Variants in LRRC49 observed in about 807,000 individuals in gnomAD.
LRRC49 encodes the protein leucine rich repeat containing 49.
Under a neutral mutation model 83.3 loss-of-function variants are expected in LRRC49, and 50 were observed. The observed-to-expected ratio is 0.60, with a 90% CI of 0.48 to 0.76. LRRC49 has a LOEUF of 0.76. Among genes scored for constraint, LRRC49 ranks in the 30% least tolerant of loss-of-function variants. The pLI, the probability that LRRC49 is intolerant of heterozygous loss-of-function variation, is 0.00. For missense variants in LRRC49, 704 were observed against 809.1 expected (o/e 0.87, Z 1.58); for synonymous variants, 286 against 283.3 (o/e 1.01, Z -0.10).
chr15:70,906,920 G>A (rs1037010962), intron 5 of LRRC49, among the ~76,000 whole-genome samples: 2 of 152,108 alleles, frequency 1.3e-5, no homozygotes, highest in Non-Finnish European at 2.9e-5. Flanking sequence ...AGAACTATTA[G>A]TGTTCTTGAA....
intron 3 of LRRC49, chr15:70,898,582 T>A: frequency 1.9e-6 from 1 of 520,082 alleles, no homozygotes; most frequent in Non-Finnish European, 3.4e-6. Context: ...CAAGACCCCA[T>A]CTTGAACATG....
At chr15:70,871,052 A>G (rs1304362568) in intron 1 of LRRC49, among the ~76,000 whole-genome samples, 6 of 151,582 alleles carry the variant, frequency 4.0e-5, no homozygotes, top group African/African-American at 9.7e-5. Flanking sequence ...GTCAGCAGAT[A>G]AACATGTGAA....
chr15:70,894,528 T>G, intron 2 of LRRC49: 1 of 767,404 alleles, frequency 1.3e-6, no homozygotes. Context: ...ATTTTTGAGA[T>G]TTTGAGATAA....
Position 71,023,439 on chromosome 15 carries a change from C to T in LRRC49, c.1703+10526C>T, listed in dbSNP as rs777295982. ...GGCCAAGATGGCCAACTAGTAGTAG[C>T]TGTGGTTGGAGACTCCCACTGAGAA... is the stretch of plus-strand genomic sequence containing the variant. On this transcript the variant is annotated intron_variant, in intron 14 of 15. Coordinates refer to ENST00000260382, the MANE Select transcript of LRRC49 (RefSeq NM_017691.5). 5.3e-5 allele frequency among the ~76,000 whole-genome samples: 8 copies of T among 152,164 alleles called. 1 individual carries two copies. Among genetic ancestry groups the T allele is most frequent in the African/African-American group, 1.7e-4 (7 of 41,442 alleles).
chr15:70,865,572 C>T (rs1014901180), intron 1 of LRRC49, among the ~76,000 whole-genome samples: 1 of 152,214 alleles, frequency 6.6e-6, no homozygotes, highest in African/African-American at 2.4e-5. Context: ...AATTTATTTA[C>T]ATCGAGAATA....
At chr15:70,905,817 A>G (rs892619947) in intron 5 of LRRC49, among the ~76,000 whole-genome samples, 2 of 152,048 alleles carry the variant, frequency 1.3e-5, no homozygotes, top group Admixed American at 6.5e-5. Context: ...TTTTACTTCC[A>G]TTGCTTCCTT....
At chr15:70,906,098 C>CTTT (rs976292654) in intron 5 of LRRC49, among the ~76,000 whole-genome samples, 4 of 130,830 alleles carry the variant, frequency 3.1e-5, no homozygotes, top group Admixed American at 7.7e-5. Flanking sequence ...ATTTTTTTTT[C>CTTT]TTTTTTTTTT....
intron 15 of LRRC49, among the ~76,000 whole-genome samples, chr15:71,041,243 G>A (rs1173367556): frequency 6.6e-6 from 1 of 152,124 alleles, no homozygotes; most frequent in Non-Finnish European, 1.5e-5. Context: ...CATCACTGAA[G>A]TAAGTAACAA....
intron 1 of LRRC49, among the ~76,000 whole-genome samples, chr15:70,861,792 G>A (rs901571131): frequency 1.3e-5 from 2 of 152,196 alleles, no homozygotes; most frequent in East Asian, 1.9e-4. Context: ...GGGCATGGTG[G>A]TGTGCGCCTG....
chr15:70,902,712 GTT>G (rs1346039248), intron 4 of LRRC49: 3 of 152,356 alleles, frequency 2.0e-5, no homozygotes, highest in Admixed American at 6.5e-5. Flanking sequence ...GGCTCTGGCT[GTT>G]TTGGGAGTTA....
chr15:70,879,285 T>C (rs528064362), intron 2 of LRRC49, among the ~76,000 whole-genome samples: 32 of 152,354 alleles, frequency 2.1e-4, no homozygotes, highest in African/African-American at 7.5e-4. Context: ...AATATATTTA[T>C]AATAACTGCT....
At chr15:70,857,604 T>A (rs570966862) in intron 1 of LRRC49, among the ~76,000 whole-genome samples, 4 of 152,348 alleles carry the variant, frequency 2.6e-5, no homozygotes, top group Non-Finnish European at 5.9e-5. Flanking sequence ...ACCTGTGCTA[T>A]ACTCAATTTT....
intron 5 of LRRC49, among the ~76,000 whole-genome samples, chr15:70,905,244 G>T (rs952549531): frequency 6.6e-6 from 1 of 151,998 alleles, no homozygotes; most frequent in Non-Finnish European, 1.5e-5. Flanking sequence ...ACTCTATTCC[G>T]TAGTGCAACT....
intron 5 of LRRC49, among the ~76,000 whole-genome samples, chr15:70,910,860 A>T (rs1284899115): frequency 3.3e-5 from 5 of 152,168 alleles, no homozygotes. Context: ...TTGGCAAGAG[A>T]GATTTTTTAA....
chr15:70,859,356 A>C, intron 1 of LRRC49: 1 of 774,466 alleles, frequency 1.3e-6, no homozygotes, highest in Admixed American at 1.7e-5. Context: ...TCTTGCCTGG[A>C]AGGGCTGACT....
intron 8 of LRRC49, 106 bp downstream of exon 8, chr15:70,936,928 G>C (rs2035620664): frequency 2.8e-6 from 2 of 705,510 alleles, no homozygotes; most frequent in Non-Finnish European, 4.9e-6. Flanking sequence ...TAGCATGGAA[G>C]ATTTTAAATT....
chr15:70,966,252 C>T lies in LRRC49; in HGVS notation c.921+2320C>T, dbSNP rs2036789255. 2.6e-5 allele frequency among the ~76,000 whole-genome samples: 4 copies of T among 152,128 alleles called. No individual in the cohort carries two copies. The South Asian group carries it at 8.3e-4, about 32-fold the overall frequency. On this transcript the variant is annotated intron_variant, in intron 9 of 15. Transcript: ENST00000260382. The stretch of plus-strand genomic sequence containing the variant: ...CTTCTGTGCACTGGGGCAGTGGTTC[C>T]TAAACTGCGTGCAGAGGATGCTGCA...
chr15:70,877,632 G>C (rs1439038962), intron 2 of LRRC49, among the ~76,000 whole-genome samples: 1 of 152,154 alleles, frequency 6.6e-6, no homozygotes, highest in Non-Finnish European at 1.5e-5. Flanking sequence ...GCTCTTATGA[G>C]CATTTGTGTA....
intron 3 of LRRC49, chr15:70,900,678 T>C: frequency 2.1e-6 from 1 of 473,310 alleles, no homozygotes; most frequent in Admixed American, 2.9e-5. Flanking sequence ...ACTAGTTCTG[T>C]ACTTTCAACC....
Sources: allele counts gnomAD v4.1 joint callset (sites outside exome capture counted in the v4.1 genomes callset), GRCh38; gene constraint gnomAD v4.1.1; transcripts MANE v1.5; gene names NCBI Gene and HGNC (gene_info 2026-07-23, HGNC 2026-07-21).